The following EPHB1 variants were observed in gnomAD, a reference collection of about 807,000 sequenced individuals.
The protein encoded by EPHB1 is EPH receptor B1, also known as ephrin type-B receptor 1.
A neutral mutation model predicts 94.4 loss-of-function variants in EPHB1; 30 were observed. The observed-to-expected ratio is 0.32, with a 90% CI of 0.24 to 0.43. The LOEUF (loss-of-function observed/expected upper bound fraction) is 0.43, where lower values mean the gene tolerates loss of function less well. Among genes scored for constraint, EPHB1 ranks in the 20% least tolerant of loss-of-function variants. The pLI, the probability that EPHB1 is intolerant of heterozygous loss-of-function variation, is 1.00. For missense variants in EPHB1, 1,055 were observed against 1,308.3 expected (o/e 0.81, Z 2.99); for synonymous variants, 522 against 489.1 (o/e 1.07, Z -0.89).
At chr3:135,053,396 C>A (rs529313700) in intron 3 of EPHB1, among the ~76,000 whole-genome samples, 1 of 151,978 alleles carries the variant, frequency 6.6e-6, no homozygotes, top group East Asian at 1.9e-4. Context: ...TATATAGTCA[C>A]CATAAGAAAA....
chr3:134,974,312 C>A (rs571638866), intron 3 of EPHB1, among the ~76,000 whole-genome samples: 1 of 152,276 alleles, frequency 6.6e-6, no homozygotes, highest in East Asian at 1.9e-4. Context: ...TGGAGCCAGA[C>A]TGCCTGGGTT....
At chr3:135,023,741 A>C (rs1936052058) in intron 3 of EPHB1, among the ~76,000 whole-genome samples, 1 of 152,130 alleles carries the variant, frequency 6.6e-6, no homozygotes. Context: ...AATTTGTAGT[A>C]TATGCAGGCT....
chr3:135,156,518 A>G (rs921768680), intron 6 of EPHB1, among the ~76,000 whole-genome samples: 6 of 152,184 alleles, frequency 3.9e-5, no homozygotes, highest in Non-Finnish European at 7.3e-5. Context: ...TCACAGTTTT[A>G]CATTTATAGA....
intron 2 of EPHB1, among the ~76,000 whole-genome samples, chr3:134,929,822 C>G (rs2038870729): frequency 6.6e-6 from 1 of 152,188 alleles, no homozygotes; most frequent in African/African-American, 2.4e-5. Flanking sequence ...AACTTCATGG[C>G]ACTGAGGAGC....
chr3:135,256,144 C>A (rs1933374287), intron 15 of EPHB1, among the ~76,000 whole-genome samples: 1 of 152,184 alleles, frequency 6.6e-6, no homozygotes, highest in Admixed American at 6.5e-5. Context: ...CTGAATACAG[C>A]ACACTGATGG....
At chr3:134,897,848 C>T (rs2038116315) in intron 1 of EPHB1, among the ~76,000 whole-genome samples, 1 of 152,174 alleles carries the variant, frequency 6.6e-6, no homozygotes, top group Non-Finnish European at 1.5e-5. Flanking sequence ...TCTTTCTGCT[C>T]TGACAGCTGG....
At chr3:135,151,774 C>A (rs750697750) in intron 5 of EPHB1, among the ~76,000 whole-genome samples, 1 of 152,162 alleles carries the variant, frequency 6.6e-6, no homozygotes, top group Admixed American at 6.5e-5. Flanking sequence ...ATTATTTCCA[C>A]TTACTAAACC....
chr3:135,147,445 A>G (rs190998506), intron 5 of EPHB1, among the ~76,000 whole-genome samples: 1 of 152,362 alleles, frequency 6.6e-6, no homozygotes, highest in Admixed American at 6.5e-5. Context: ...TTATAGAGGC[A>G]TTATTCTTCA....
intron 4 of EPHB1, among the ~76,000 whole-genome samples, 154 bp downstream of exon 4, chr3:135,106,757 G>A (rs1166936088): frequency 2.0e-5 from 3 of 152,140 alleles, no homozygotes; most frequent in Admixed American, 6.5e-5. Context: ...TCCTATGCTC[G>A]GAGTTCAGAG....
At chr3:134,829,769 C>T (rs552349763) in intron 1 of EPHB1, among the ~76,000 whole-genome samples, 45 of 152,106 alleles carry the variant, frequency 3.0e-4, no homozygotes, top group African/African-American at 1.0e-3. Flanking sequence ...AGGATAGGTC[C>T]CTATTCCAGC....
chr3:135,188,161 T>C (rs1291589305), intron 10 of EPHB1, among the ~76,000 whole-genome samples: 1 of 150,688 alleles, frequency 6.6e-6, no homozygotes, highest in South Asian at 2.1e-4. Flanking sequence ...ATCACATCAC[T>C]GTACTACAGC....
chr3:134,816,001 T>C (rs2036260826), intron 1 of EPHB1, among the ~76,000 whole-genome samples: 1 of 152,248 alleles, frequency 6.6e-6, no homozygotes, highest in Non-Finnish European at 1.5e-5. Flanking sequence ...CAAAGGTAAA[T>C]GCTGGGGCCA....
chr3:135,027,717 A>G (rs1163439602), intron 3 of EPHB1, among the ~76,000 whole-genome samples: 2 of 147,144 alleles, frequency 1.4e-5, no homozygotes, highest in East Asian at 4.3e-4. Context: ...CGGCTTTGGT[A>G]TCAGAATGAT....
At chr3:135,019,705 T>C (rs983684024) in intron 3 of EPHB1, among the ~76,000 whole-genome samples, 5 of 152,236 alleles carry the variant, frequency 3.3e-5, no homozygotes, top group Non-Finnish European at 7.3e-5. Context: ...TATCATTAAA[T>C]TTATTGGAAA....
intron 12 of EPHB1, among the ~76,000 whole-genome samples, chr3:135,209,992 C>CCG (rs1942995664): frequency 6.6e-6 from 1 of 152,090 alleles, no homozygotes; most frequent in Non-Finnish European, 1.5e-5. Context: ...GAGGATGACT[C>CCG]CAAGTATCCA....
intron 3 of EPHB1, among the ~76,000 whole-genome samples, chr3:135,056,080 T>C (rs1052527887): frequency 6.6e-6 from 1 of 152,238 alleles, no homozygotes; most frequent in African/African-American, 2.4e-5. Context: ...GAAGAAAGAC[T>C]GTCCATTTCT....
intron 5 of EPHB1, among the ~76,000 whole-genome samples, chr3:135,149,150 A>G (rs1412009851): frequency 2.6e-5 from 4 of 152,210 alleles, no homozygotes; most frequent in Non-Finnish European, 5.9e-5. Context: ...GTTCTTTCCA[A>G]GTAACCCCAA....
intron 4 of EPHB1, among the ~76,000 whole-genome samples, chr3:135,110,275 A>G (rs1043154896): frequency 1.3e-5 from 2 of 152,160 alleles, no homozygotes; most frequent in African/African-American, 4.8e-5. Context: ...TCTTCTTCAA[A>G]TGCAATGGGC....
At chr3:134,806,813 G>A (rs2036050376) in intron 1 of EPHB1, among the ~76,000 whole-genome samples, 1 of 152,078 alleles carries the variant, frequency 6.6e-6, no homozygotes, top group Admixed American at 6.5e-5. Context: ...ACATCCTATT[G>A]GGGGAACAGA....
Sources: gnomAD v4.1 joint callset for allele counts (sites outside exome capture counted in the v4.1 genomes callset) on GRCh38, gnomAD v4.1.1 for gene constraint, MANE v1.5 for transcripts, NCBI Gene and HGNC (gene_info 2026-07-23, HGNC 2026-07-21) for gene names.